The following DPP6 variants were observed in gnomAD, a reference collection of about 807,000 sequenced individuals.
The protein encoded by DPP6 is dipeptidyl peptidase like 6.
In DPP6, 69 loss-of-function variants were observed where a neutral mutation model predicts 122.6. The observed-to-expected ratio is 0.56, with a 90% CI of 0.46 to 0.69. The LOEUF (loss-of-function observed/expected upper bound fraction) is 0.69, where lower values mean the gene tolerates loss of function less well. Ranked by LOEUF, DPP6 falls within the 30% of genes least tolerant of loss-of-function variation. DPP6 has a pLI of 0.00. For synonymous variants in DPP6, 418 were observed against 433.1 expected (o/e 0.97, Z 0.43); for missense variants, 928 against 1,116.9 (o/e 0.83, Z 2.41).
intron 1 of DPP6, among the ~76,000 whole-genome samples, chr7:153,929,724 A>G (rs1278503949): frequency 6.6e-6 from 1 of 152,164 alleles, no homozygotes; most frequent in East Asian, 1.9e-4. Flanking sequence ...CTGTATTACT[A>G]ATTTTTTAAT....
chr7:154,781,227 T>C (rs899258450), intron 10 of DPP6, among the ~76,000 whole-genome samples: 1 of 152,124 alleles, frequency 6.6e-6, no homozygotes, highest in Non-Finnish European at 1.5e-5. Context: ...AATAGATAGA[T>C]GGGTGCTGAG....
chr7:154,769,614 A>G (rs755527883), intron 9 of DPP6, 43 bp downstream of exon 9: 1 of 1,512,828 alleles, frequency 6.6e-7, no homozygotes, highest in Non-Finnish European at 8.9e-7. Context: ...TATATTATTC[A>G]TGAACACCCC....
intron 1 of DPP6, among the ~76,000 whole-genome samples, chr7:154,067,335 AG>A (rs1368651756): frequency 7.2e-6 from 1 of 138,860 alleles, no homozygotes; most frequent in East Asian, 2.1e-4. Flanking sequence ...TTCAGCTTCA[AG>A]GGTGTCAGGG....
chr7:154,574,595 GA>G, intron 5 of DPP6, among the ~76,000 whole-genome samples: 1 of 130,964 alleles, frequency 7.6e-6, no homozygotes, highest in Admixed American at 7.9e-5. Flanking sequence ...ATGTGTGTGG[GA>G]GTGTATGTGA....
intron 1 of DPP6, among the ~76,000 whole-genome samples, chr7:154,110,716 C>A (rs980681014): frequency 6.6e-6 from 1 of 151,830 alleles, no homozygotes; most frequent in African/African-American, 2.4e-5. Flanking sequence ...CCTCATCCCA[C>A]CAAGAGGAAA....
intron 6 of DPP6, among the ~76,000 whole-genome samples, chr7:154,646,536 G>A (rs995836412): frequency 1.4e-4 from 21 of 152,306 alleles, no homozygotes; most frequent in African/African-American, 5.1e-4. Context: ...AAACCTGAAT[G>A]CTGAGAGTCA....
At chr7:154,398,155 A>G (rs1815252083) in intron 1 of DPP6, among the ~76,000 whole-genome samples, 2 of 152,176 alleles carry the variant, frequency 1.3e-5, no homozygotes, top group African/African-American at 4.8e-5. Context: ...GAGACAGTAT[A>G]TTGAGCATCT....
chr7:154,820,704 A>G (rs1799704308), intron 16 of DPP6, among the ~76,000 whole-genome samples: 1 of 152,238 alleles, frequency 6.6e-6, no homozygotes. Flanking sequence ...AATAGATCCA[A>G]CGAATGTAAT....
intron 1 of DPP6, among the ~76,000 whole-genome samples, 169 bp downstream of exon 1, chr7:154,053,232 C>T (rs1453105558): frequency 0.17 from 13 of 76 alleles, no homozygotes; most frequent in East Asian, 0.5. Flanking sequence ...ATCGCGGTCA[C>T]CGCGTCCCGG....
At chr7:154,446,865 AT>A (rs1382574993) in intron 2 of DPP6, among the ~76,000 whole-genome samples, 2 of 152,234 alleles carry the variant, frequency 1.3e-5, no homozygotes, top group African/African-American at 4.8e-5. Flanking sequence ...GAGAAGTGCT[AT>A]TGGAGTTGAG....
Position 154,875,976 on chromosome 7 carries a change from A to G in DPP6, c.1954A>G (p.Ser652Gly), listed in dbSNP as rs1254817971. The change falls in exon 20 of 26, where the codon AGC (serine) becomes GGC (glycine). Residue 652 changes from serine to glycine, a missense_variant. By Grantham distance (56) the Ser-to-Gly change is moderately conservative. Transcript: ENST00000377770. This position sits in a 1 kb window ranked among gnomAD's most constrained non-coding sequence, Gnocchi z 4.5. ...EVSWETVMVS[S>G]HGAVVVKCDG... Reference sequence around the variant, plus strand: ...GAGCTGGGAGACGGTGATGGTGAGCAGCCACGGCGCGGTGGTGGTAAAGTG... The same window carrying G: ...GAGCTGGGAGACGGTGATGGTGAGCGGCCACGGCGCGGTGGTGGTAAAGTG... The G allele has an allele frequency of 1.9e-6, 3 of 1,613,624 alleles. No individual in the cohort carries two copies. Among genetic ancestry groups the G allele is most frequent in the Non-Finnish European group, 1.7e-6 (2 of 1,179,790 alleles).
intron 5 of DPP6, among the ~76,000 whole-genome samples, chr7:154,626,892 G>T (rs1443021816): frequency 6.6e-6 from 1 of 151,246 alleles, no homozygotes; most frequent in Non-Finnish European, 1.5e-5. Flanking sequence ...AGAACCTTCG[G>T]TTTACATGGA....
At chr7:154,002,469 A>G (rs1797731537) in intron 1 of DPP6, among the ~76,000 whole-genome samples, 1 of 152,182 alleles carries the variant, frequency 6.6e-6, no homozygotes, top group African/African-American at 2.4e-5. Context: ...GAATTTGGCT[A>G]TGTCTCATTC....
the DPP6 span, among the ~76,000 whole-genome samples, chr7:153,799,110 A>G: frequency 6.6e-6 from 1 of 152,100 alleles, no homozygotes; most frequent in Non-Finnish European, 1.5e-5. Context: ...GGGGTCAAGG[A>G]CCCCTGCTTT....
At chr7:154,189,254 T>C (rs1203512072) in intron 1 of DPP6, among the ~76,000 whole-genome samples, 4 of 152,240 alleles carry the variant, frequency 2.6e-5, no homozygotes, top group Non-Finnish European at 5.9e-5. Flanking sequence ...TCAACAGTGC[T>C]ACAAATCAGA....
rs143887737 is a variant in DPP6 at position 154,139,181 on chromosome 7, G to T, written c.243+86118G>T. ...CTCATATGCTTATGGAGGCTGAGTCGCATGCAGGCCATCTGCAAGCTATAG... is the reference window on the plus strand; with the variant it reads ...CTCATATGCTTATGGAGGCTGAGTCTCATGCAGGCCATCTGCAAGCTATAG... On this transcript the variant is annotated intron_variant, in intron 1 of 25. Transcript: ENST00000377770. Among the ~76,000 whole-genome samples the T allele has an allele frequency of 3.0e-3, 457 of 151,004 alleles. 1 individual carries two copies. Among genetic ancestry groups the T allele is most frequent in the African/African-American group, 0.01 (416 of 41,002 alleles).
chr7:153,800,926 CCT>C, the DPP6 span, among the ~76,000 whole-genome samples: 1 of 152,162 alleles, frequency 6.6e-6, no homozygotes, highest in Non-Finnish European at 1.5e-5. Flanking sequence ...TGCTAATTAC[CCT>C]GATTTGATCA....
intron 8 of DPP6, among the ~76,000 whole-genome samples, chr7:154,754,715 C>T (rs994558921): frequency 3.9e-4 from 59 of 152,194 alleles, no homozygotes; most frequent in Middle Eastern, 3.4e-3. Context: ...AGCAAAGACT[C>T]GGAACCAACC....
chr7:154,210,555 C>A (rs1799685535), intron 1 of DPP6, among the ~76,000 whole-genome samples: 1 of 152,178 alleles, frequency 6.6e-6, no homozygotes, highest in East Asian at 1.9e-4. Flanking sequence ...TTCTACTATG[C>A]AATAACATTA....
Sources: allele counts gnomAD v4.1 joint callset (sites outside exome capture counted in the v4.1 genomes callset), GRCh38; gene constraint gnomAD v4.1.1; non-coding constraint Gnocchi (gnomAD v3.1); transcripts MANE v1.5; gene names NCBI Gene and HGNC (gene_info 2026-07-23, HGNC 2026-07-21).